The following CCDC25 variants were observed in gnomAD, a reference collection of about 807,000 sequenced individuals.
CCDC25 encodes the protein coiled-coil domain containing 25, also known as coiled-coil domain-containing protein 25.
CCDC25 carries 16 observed loss-of-function variants against 35.3 expected under a neutral mutation model. The ratio of observed to expected loss-of-function variants is 0.45; its 90% CI spans 0.31 to 0.69. CCDC25 has a LOEUF of 0.69. Ranked by LOEUF, CCDC25 falls within the 30% of genes least tolerant of loss-of-function variation. CCDC25 has a pLI of 0.06. For synonymous variants in CCDC25, 79 were observed against 80.3 expected (o/e 0.98, Z 0.09); for missense variants, 179 against 250.7 (o/e 0.71, Z 1.93).
chr8:27,753,548 CA>C (rs1312835738), intron 4 of CCDC25, among the ~76,000 whole-genome samples: 1 of 151,624 alleles, frequency 6.6e-6, no homozygotes, highest in Non-Finnish European at 1.5e-5. Flanking sequence ...CCATATCTAC[CA>C]AAAAAAATTA....
chr8:27,750,033 T>A (rs967810956), intron 5 of CCDC25, among the ~76,000 whole-genome samples: 2 of 152,224 alleles, frequency 1.3e-5, no homozygotes, highest in East Asian at 1.9e-4. Flanking sequence ...AAAATCTCCA[T>A]GTGCAAGGCA....
At chr8:27,772,288 G>A (rs4732746) in intron 1 of CCDC25, among the ~76,000 whole-genome samples, 29,322 of 152,228 alleles carry the variant, frequency 0.19, 3,599 homozygotes, top group Middle Eastern at 0.28. Flanking sequence ...AAACATAGCA[G>A]TGGCATCGCC....
In CCDC25 at chr8:27,756,526, C is replaced by T. The variant is rs112250512; in HGVS notation, c.168+193G>A. ...AGCTGGGAAATATGTACACTGCCTC[C>T]TTCTATATCTCAAAAATCATCTAGA... On this transcript the variant is annotated intron_variant, in intron 4 of 8. Coordinates refer to ENST00000356537, the MANE Select transcript of CCDC25 (RefSeq NM_018246.3). 6.5e-5 allele frequency: 37 copies of T among 566,574 alleles called. No individual in the cohort carries two copies. In the African/African-American group the frequency reaches 7.0e-4, roughly 11 times the overall value. The allele number at this position is 566,574 out of a possible 1,614,324, so 35.1% of individuals were successfully genotyped here.
intron 1 of CCDC25, among the ~76,000 whole-genome samples, chr8:27,770,969 G>T (rs1392111583): frequency 1.3e-5 from 2 of 152,068 alleles, no homozygotes; most frequent in African/African-American, 4.8e-5. Context: ...CTGAAACCGA[G>T]GACAACACTG....
Position 27,737,321 on chromosome 8 carries a change from T to C in CCDC25, c.598-1076A>G, listed in dbSNP as rs1379843340. Among the ~76,000 whole-genome samples the C allele has an allele frequency of 2.6e-5, 4 of 152,210 alleles. No individual in the cohort carries two copies. On this transcript the variant is annotated intron_variant, in intron 8 of 8. Transcript: ENST00000356537. The surrounding 1 kb of genome is among the most constrained non-coding windows in gnomAD (Gnocchi z 4.6). ...AGCAATGTTTGAAAGAGTCATTTAG[T>C]ATCTTCAAATGCCAGCTTTAGATCC... is the stretch of plus-strand genomic sequence containing the variant.
intron 8 of CCDC25, among the ~76,000 whole-genome samples, chr8:27,739,106 G>A (rs17057715): frequency 0.025 from 3,780 of 152,180 alleles, 180 homozygotes; most frequent in African/African-American, 0.087. Context: ...CAACCACTGT[G>A]ACAACGTTCC....
rs953135940 is a variant in CCDC25, at chr8:27,737,028, G to A, written c.598-783C>T. Among the ~76,000 whole-genome samples the A allele has an allele frequency of 6.6e-6, 1 of 152,070 alleles. No homozygotes were observed. Among genetic ancestry groups the A allele is most frequent in the Non-Finnish European group, 1.5e-5 (1 of 68,004 alleles). On this transcript the variant is annotated intron_variant, in intron 8 of 8. Coordinates refer to ENST00000356537, the MANE Select transcript of CCDC25 (RefSeq NM_018246.3). The surrounding 1 kb of genome is among the most constrained non-coding windows in gnomAD (Gnocchi z 4.6). The stretch of plus-strand genomic sequence containing the variant: ...TTAACACCAGCATTGTTAGAGAAAG[G>A]GATCAGACTAAGGCTTATCTAAATG...
rs1804115083 is a variant in CCDC25, at chr8:27,758,953, G to T, written c.117-2183C>A. 1.3e-5 allele frequency among the ~76,000 whole-genome samples: 2 copies of T among 152,110 alleles called. 1 individual carries two copies. The highest frequency in any genetic ancestry group is 4.2e-4 in the South Asian group (2 of 4,816). ...TATGATAGATACACCTCTACAAAGAGCAGGGGAGAATGGATGAAAGTATAA... is the reference window on the plus strand; with the variant it reads ...TATGATAGATACACCTCTACAAAGATCAGGGGAGAATGGATGAAAGTATAA... On this transcript the variant is annotated intron_variant, in intron 3 of 8. Coordinates refer to ENST00000356537, the MANE Select transcript of CCDC25 (RefSeq NM_018246.3).
At chr8:27,749,248 T>C (rs1389839439) in intron 5 of CCDC25, among the ~76,000 whole-genome samples, 2 of 152,144 alleles carry the variant, frequency 1.3e-5, no homozygotes, top group African/African-American at 2.4e-5. Flanking sequence ...CCACCACTCA[T>C]ACCCTCCCTG....
At chr8:27,741,453 G>C (rs2128936675) in intron 7 of CCDC25, among the ~76,000 whole-genome samples, 1 of 152,334 alleles carries the variant, frequency 6.6e-6, no homozygotes, top group South Asian at 2.1e-4. Context: ...GGCCAACGCG[G>C]GCAGATCACA....
At chr8:27,742,480 A>T (rs1350009322) in intron 7 of CCDC25, among the ~76,000 whole-genome samples, 1 of 152,246 alleles carries the variant, frequency 6.6e-6, no homozygotes, top group Non-Finnish European at 1.5e-5. Context: ...GTGAAGATTT[A>T]ACTGGATCCA....
At chr8:27,758,058 G>A (rs1426772030) in intron 3 of CCDC25, among the ~76,000 whole-genome samples, 2 of 152,110 alleles carry the variant, frequency 1.3e-5, no homozygotes, top group African/African-American at 4.8e-5. Flanking sequence ...GCCAAACCAT[G>A]AGCCAATTAA....
chr8:27,767,812 T>TA (rs747365897), intron 1 of CCDC25, among the ~76,000 whole-genome samples: 14 of 151,762 alleles, frequency 9.2e-5, no homozygotes, highest in Non-Finnish European at 2.1e-4. Context: ...ATTCAGGGGT[T>TA]AACTGCAACT....
intron 7 of CCDC25, among the ~76,000 whole-genome samples, chr8:27,746,477 A>G (rs1803605476): frequency 6.6e-6 from 1 of 152,210 alleles, no homozygotes; most frequent in East Asian, 1.9e-4. Flanking sequence ...TTATGTTCCT[A>G]ATATATGTTC....
chr8:27,752,973 C>T (rs762876964), intron 4 of CCDC25: 44 of 164,976 alleles, frequency 2.7e-4, no homozygotes, highest in Non-Finnish European at 4.0e-4. Flanking sequence ...TCTTCGTGGC[C>T]GAGGTCCCTA....
intron 4 of CCDC25, chr8:27,754,683 T>C (rs1303929437): frequency 6.6e-6 from 1 of 152,088 alleles, no homozygotes; most frequent in Admixed American, 6.6e-5. Context: ...TTTTCTGTAG[T>C]GACAGGGTCT....
At chr8:27,750,666 C>T (rs1179408457) in intron 5 of CCDC25, among the ~76,000 whole-genome samples, 4 of 152,010 alleles carry the variant, frequency 2.6e-5, no homozygotes, top group Admixed American at 1.3e-4. Flanking sequence ...AAATGAGAGA[C>T]GCTTAAATGC....
At chr8:27,740,381 A>G (rs1450722733) in intron 8 of CCDC25, 91 bp downstream of exon 8, 1 of 1,296,320 alleles carries the variant, frequency 7.7e-7, no homozygotes, top group Non-Finnish European at 1.1e-6. Context: ...TATTTGCAAC[A>G]TGTAAGGCAA....
intron 1 of CCDC25, among the ~76,000 whole-genome samples, chr8:27,767,200 T>C (rs1011365592): frequency 6.6e-6 from 1 of 152,078 alleles, no homozygotes; most frequent in African/African-American, 2.4e-5. Context: ...ACCCCATCTC[T>C]ACTAAAAATA....
Sources: allele counts gnomAD v4.1 joint callset (sites outside exome capture counted in the v4.1 genomes callset), GRCh38; gene constraint gnomAD v4.1.1; non-coding constraint Gnocchi (gnomAD v3.1); transcripts MANE v1.5; gene names NCBI Gene and HGNC (gene_info 2026-07-23, HGNC 2026-07-21).